Variants in CACNG2 observed in about 807,000 individuals in gnomAD.
CACNG2 encodes the protein voltage-dependent calcium channel gamma-2 subunit.
CACNG2 carries 3 observed loss-of-function variants against 25.9 expected under a neutral mutation model. The observed-to-expected ratio is 0.12, with a 90% CI of 0.05 to 0.30. The LOEUF is 0.30. Among genes scored for constraint, CACNG2 ranks in the 10% least tolerant of loss-of-function variants. CACNG2 has a pLI of 1.00. For synonymous variants in CACNG2, 167 were observed against 173.3 expected (o/e 0.96, Z 0.29); for missense variants, 341 against 432.5 (o/e 0.79, Z 1.88).
chr22:36,565,911 C>T (rs1341573075), intron 3 of CACNG2, among the ~76,000 whole-genome samples: 2 of 152,226 alleles, frequency 1.3e-5, no homozygotes, highest in African/African-American at 4.8e-5. Context: ...GGGTGCCTGC[C>T]TGCTCCCACC....
Position 36,564,707 on chromosome 22 carries a change from T to G in CACNG2, c.616A>C (p.Lys206Gln). Reference sequence around the variant, plus strand: ...GCGCGGGCCGTGGCCCGCAGCTGTTTGTGCCGGTCGATAAACATGTGCACC... The same window carrying G: ...GCGCGGGCCGTGGCCCGCAGCTGTTGGTGCCGGTCGATAAACATGTGCACC... ...LAVHMFIDRH[K>Q]QLRATARATD... The change falls in exon 4 of 4, where the codon AAA becomes CAA. Residue 206 changes from lysine to glutamine, a missense_variant. Coordinates refer to ENST00000300105, the MANE Select transcript of CACNG2 (RefSeq NM_006078.5). This position sits in a 1 kb window ranked among gnomAD's most constrained non-coding sequence, Gnocchi z 6.7. The G allele has an allele frequency of 6.2e-7, 1 of 1,614,174 alleles. No homozygotes were observed. Among genetic ancestry groups the G allele is most frequent in the Non-Finnish European group, 8.5e-7 (1 of 1,180,032 alleles).
At chr22:36,581,675 C>G (rs1453229340) in intron 2 of CACNG2, among the ~76,000 whole-genome samples, 2 of 152,228 alleles carry the variant, frequency 1.3e-5, no homozygotes, top group Non-Finnish European at 2.9e-5. Flanking sequence ...GGCCCCTAAG[C>G]CTTCGTGGTG....
At chr22:36,574,770 G>A (rs897052653) in intron 2 of CACNG2, among the ~76,000 whole-genome samples, 8 of 149,522 alleles carry the variant, frequency 5.4e-5, no homozygotes, top group Non-Finnish European at 8.9e-5. Flanking sequence ...CAACAAGAGC[G>A]GAACTCTGTC....
intron 1 of CACNG2, among the ~76,000 whole-genome samples, chr22:36,687,928 C>T (rs949666219): frequency 6.6e-6 from 1 of 152,184 alleles, no homozygotes; most frequent in Non-Finnish European, 1.5e-5. Context: ...CTGCCCACAC[C>T]TTGGTTCTAG....
chr22:36,633,416 C>T (rs1164710707), intron 1 of CACNG2, among the ~76,000 whole-genome samples: 1 of 152,174 alleles, frequency 6.6e-6, no homozygotes, highest in Non-Finnish European at 1.5e-5. Context: ...AGGTTAGAGC[C>T]AATGACTTCC....
At chr22:36,631,180 C>T (rs147206128) in intron 1 of CACNG2, among the ~76,000 whole-genome samples, 12 of 152,228 alleles carry the variant, frequency 7.9e-5, no homozygotes, top group Admixed American at 6.5e-4. Flanking sequence ...ACTCGGTACA[C>T]GTGTGAGATG....
intron 1 of CACNG2, among the ~76,000 whole-genome samples, chr22:36,652,903 T>C (rs1395673634): frequency 2.0e-5 from 3 of 152,178 alleles, no homozygotes; most frequent in African/African-American, 7.2e-5. Flanking sequence ...GCATTAGGAC[T>C]GTAGGGCTAA....
chr22:36,661,792 G>A (rs1936799903), intron 1 of CACNG2, among the ~76,000 whole-genome samples: 1 of 152,012 alleles, frequency 6.6e-6, no homozygotes, highest in Non-Finnish European at 1.5e-5. Context: ...AGGCTGCCTG[G>A]ATTTGAACAA....
rs1935034786 is a variant in CACNG2, at chr22:36,561,913, A to G, written c.*2438T>C. 2 of 152,210 alleles carry G rather than the reference A, an allele frequency of 1.3e-5. No individual in the cohort carries two copies. Among genetic ancestry groups the G allele is most frequent in the African/African-American group, 4.8e-5 (2 of 41,408 alleles). 9.4% of individuals were successfully genotyped at this position (152,210 alleles called of 1,614,324 possible). On this transcript the variant is annotated 3_prime_UTR_variant, in exon 4 of 4. Coordinates refer to ENST00000300105, the MANE Select transcript of CACNG2 (RefSeq NM_006078.5). ...TGGAACTGCTAAAATTTTCCTCTCC[A>G]TTCCCTCAGCCTTGAGCCCTCCCAG...
At chr22:36,630,355 G>A (rs139494987) in intron 1 of CACNG2, among the ~76,000 whole-genome samples, 193 of 152,288 alleles carry the variant, frequency 1.3e-3, no homozygotes, top group Non-Finnish European at 2.5e-3. Flanking sequence ...ATCCACAAAA[G>A]GGTTTGATGT....
At chr22:36,668,330 G>T (rs1936902046) in intron 1 of CACNG2, among the ~76,000 whole-genome samples, 1 of 152,206 alleles carries the variant, frequency 6.6e-6, no homozygotes, top group Non-Finnish European at 1.5e-5. Context: ...TGAGCCAATA[G>T]AATATATATA....
intron 2 of CACNG2, among the ~76,000 whole-genome samples, chr22:36,574,762 A>G (rs1209386863): frequency 3.3e-5 from 5 of 151,744 alleles, no homozygotes; most frequent in Admixed American, 1.3e-4. Context: ...AGCCTGGGCA[A>G]CAAGAGCGGA....
At chr22:36,572,035 T>C (rs1039207654) in intron 2 of CACNG2, among the ~76,000 whole-genome samples, 1 of 152,180 alleles carries the variant, frequency 6.6e-6, no homozygotes, top group Non-Finnish European at 1.5e-5. Context: ...TGTCCTCACT[T>C]CCTACAAAGC....
chr22:36,623,045 ATCTC>A (rs1162433513), intron 1 of CACNG2, among the ~76,000 whole-genome samples: 158 of 101,070 alleles, frequency 1.6e-3, no homozygotes, highest in East Asian at 8.9e-3. Flanking sequence ...TTGAGACAGG[ATCTC>A]TCTCTCTCTC....
At chr22:36,615,439 T>C (rs769349706) in intron 1 of CACNG2, among the ~76,000 whole-genome samples, 1 of 152,208 alleles carries the variant, frequency 6.6e-6, no homozygotes, top group Non-Finnish European at 1.5e-5. Context: ...TCTCTTTCCA[T>C]ACAACAAGCA....
intron 1 of CACNG2, among the ~76,000 whole-genome samples, chr22:36,605,868 C>A (rs1935823747): frequency 6.6e-6 from 1 of 152,166 alleles, no homozygotes; most frequent in African/African-American, 2.4e-5. Flanking sequence ...ACCGCATGCA[C>A]TTAGATCCTA....
intron 2 of CACNG2, 82 bp from the exon 3 acceptor site, chr22:36,566,575 C>T (rs1416306768): frequency 1.4e-6 from 2 of 1,476,240 alleles, no homozygotes; most frequent in African/African-American, 2.8e-5. Flanking sequence ...GGAGAGCAGC[C>T]CCGAGGCGCT....
At chr22:36,672,307 C>G (rs937698564) in intron 1 of CACNG2, among the ~76,000 whole-genome samples, 2 of 152,180 alleles carry the variant, frequency 1.3e-5, no homozygotes, top group African/African-American at 4.8e-5. Flanking sequence ...CAGGTGCACA[C>G]CATACCACCT....
At chr22:36,646,520 C>G (rs1477982793) in intron 1 of CACNG2, among the ~76,000 whole-genome samples, 1 of 152,154 alleles carries the variant, frequency 6.6e-6, no homozygotes, top group Admixed American at 6.5e-5. Flanking sequence ...TTTTTAAAAT[C>G]CCATCAAATC....
Sources: gnomAD v4.1 joint callset for allele counts (sites outside exome capture counted in the v4.1 genomes callset) on GRCh38, gnomAD v4.1.1 for gene constraint, Gnocchi (gnomAD v3.1) non-coding constraint, MANE v1.5 for transcripts, NCBI Gene and HGNC (gene_info 2026-07-23, HGNC 2026-07-21) for gene names.